The following FTSJ3 variants were observed in gnomAD, a reference collection of about 807,000 sequenced individuals.
The protein encoded by FTSJ3 is FtsJ RNA 2'-O-methyltransferase 3.
FTSJ3 carries 46 observed loss-of-function variants against 111.5 expected under a neutral mutation model. That is an observed-to-expected ratio of 0.41 (90% CI 0.33 to 0.53). The LOEUF is 0.53. Among genes scored for constraint, FTSJ3 ranks in the 20% least tolerant of loss-of-function variants. The pLI is 0.19. For missense variants in FTSJ3, 1,075 were observed against 1,063.8 expected (o/e 1.01, Z -0.15); for synonymous variants, 408 against 383.0 (o/e 1.07, Z -0.76).
Position 63,825,159 on chromosome 17 carries a change from G to A in FTSJ3, c.600C>T (p.Phe200=), listed in dbSNP as rs750428229. The change falls in exon 8 of 21, where the codon TTC becomes TTT. Residue 200 remains phenylalanine, a synonymous_variant. Coordinates refer to ENST00000427159, the MANE Select transcript of FTSJ3 (RefSeq NM_017647.4). ...TACTGTCAACCTTGTCAGGGGCCAGGAATCCTAAAAATGACAGGATATATT... is the reference window on the plus strand; with the variant it reads ...TACTGTCAACCTTGTCAGGGGCCAGAAATCCTAAAAATGACAGGATATATT... The part of the protein sequence containing the change: ...SAEIFVVCQG[F]LAPDKVDSKF... 4 of 1,614,104 alleles carry A rather than the reference G, an allele frequency of 2.5e-6. No individual in the cohort carries two copies. Among genetic ancestry groups the A allele is most frequent in the Non-Finnish European group, 3.4e-6 (4 of 1,179,968 alleles).
In FTSJ3 at chr17:63,827,384, A is replaced by G. The variant is rs141975038; in HGVS notation, c.-359T>C. Reference sequence around the variant, plus strand: ...TGTGGTCTCGCCGCACACCCCGCCCATTGACCCGGAATTCTTCTCTGCCTG... The same window carrying G: ...TGTGGTCTCGCCGCACACCCCGCCCGTTGACCCGGAATTCTTCTCTGCCTG... On this transcript the variant is annotated 5_prime_UTR_variant, in exon 1 of 21. The change abolishes an upstream ATG in the 5' untranslated region. Coordinates refer to ENST00000427159, the MANE Select transcript of FTSJ3 (RefSeq NM_017647.4). The G allele has an allele frequency of 6.0e-3, 8,958 of 1,502,308 alleles. 27 individuals are homozygous for G. The highest frequency in any genetic ancestry group is 7.1e-3 in the Non-Finnish European group (7,826 of 1,103,884). The allele number at this position is 1,502,308 out of a possible 1,614,324, so 93.1% of individuals were successfully genotyped here.
Position 63,827,429 on chromosome 17 carries a change from C to A in FTSJ3, c.-404G>T. ...TGCCTGGTCTTCAGGTCCCAATCCT[C>A]CGCTTCCGCGCTTGCGCGCCAAGAC... On this transcript the variant is annotated 5_prime_UTR_variant, in exon 1 of 21. Coordinates refer to ENST00000427159, the MANE Select transcript of FTSJ3 (RefSeq NM_017647.4). 1 of 1,551,594 alleles carries A rather than the reference C, an allele frequency of 6.4e-7. No homozygotes were observed.
rs747791647 is a variant in FTSJ3 at position 63,819,904 on chromosome 17, T to C, written c.2442A>G (p.Pro814=). ...KKGVGRKVRR[P]AGVRGHFKVV... is the part of the protein sequence containing the mutation. ...CCTTGAAATGACCTCTGACTCCAGC[T>C]GGCCGGCGCACTTTGCGGCCCACAC... Residue 814 remains proline, a synonymous_variant, in exon 21 of 21, where the codon CCA becomes CCG. Transcript: ENST00000427159. The C allele has an allele frequency of 7.4e-6, 12 of 1,614,090 alleles. No individual in the cohort carries two copies. The Admixed American group carries it at 8.3e-5, about 11-fold the overall frequency.
At chr17:63,825,011 C>G in intron 8 of FTSJ3, 37 bp downstream of exon 8, 1 of 1,600,906 alleles carries the variant, frequency 6.2e-7, no homozygotes, top group Non-Finnish European at 8.6e-7. Flanking sequence ...CCCTAGAGTT[C>G]CAGGACCCAA....
intron 5 of FTSJ3, 103 bp from the exon 6 acceptor site, chr17:63,825,738 TG>T: frequency 2.1e-6 from 2 of 954,160 alleles, no homozygotes; most frequent in Non-Finnish European, 3.3e-6. Flanking sequence ...ATGGGCCAAA[TG>T]CAGTACCAGG....
intron 14 of FTSJ3, 44 bp downstream of exon 14, chr17:63,821,940 C>T (rs1567752075): frequency 1.2e-6 from 2 of 1,612,188 alleles, no homozygotes; most frequent in Non-Finnish European, 1.7e-6. Context: ...CCTAACACTT[C>T]CTCAGAGTGG....
intron 18 of FTSJ3, 53 bp from the exon 19 acceptor site, chr17:63,820,491 A>C: frequency 1.3e-6 from 2 of 1,580,340 alleles, no homozygotes; most frequent in Admixed American, 3.4e-5. Flanking sequence ...TTTCTAAAGA[A>C]ATTACCAGAC....
In FTSJ3 at chr17:63,827,343, A is replaced by G. The variant is rs987835023; in HGVS notation, c.-318T>C. On this transcript the variant is annotated 5_prime_UTR_variant, in exon 1 of 21. The change abolishes an upstream ATG in the 5' untranslated region. Coordinates refer to ENST00000427159, the MANE Select transcript of FTSJ3 (RefSeq NM_017647.4). ...CTGAACTCGAGTAGCCGCCCCTCCC[A>G]TCATGGTTCCCTTAGTGTGGTCTCG... 9.2e-7 allele frequency: 1 copy of G among 1,081,324 alleles called. No individual in the cohort carries two copies. The highest frequency in any genetic ancestry group is 1.6e-5 in the African/African-American group (1 of 63,490). 67.0% of individuals were successfully genotyped at this position (1,081,324 alleles called of 1,614,324 possible).
chr17:63,824,119 T>C lies in FTSJ3; in HGVS notation c.1119A>G (p.Ala373=). The C allele has an allele frequency of 6.2e-7, 1 of 1,614,202 alleles. No individual in the cohort carries two copies. Among genetic ancestry groups the C allele is most frequent in the Non-Finnish European group, 8.5e-7 (1 of 1,180,040 alleles). ...EEEEQLNQTL[A]EMKAQEVAEL... ...CCGCCACCTCCTGGGCCTTCATTTC[T>C]GCCAAGGTCTGGTTCAGTTGTTCCT... The change falls in exon 12 of 21, where the codon GCA becomes GCG. Residue 373 remains alanine, a synonymous_variant. Transcript: ENST00000427159.
rs912294356 is a variant in FTSJ3 at position 63,819,780 on chromosome 17, C to T, written c.*22G>A. On this transcript the variant is annotated 3_prime_UTR_variant, in exon 21 of 21. Coordinates refer to ENST00000427159, the MANE Select transcript of FTSJ3 (RefSeq NM_017647.4). ...CCCTTCCTCCTAGTCCCCATGCTCT[C>T]CTGGGAGCCTGGCAGCTCTGCTTAC... 1.2e-5 allele frequency: 19 copies of T among 1,599,410 alleles called. No homozygotes were observed. The highest frequency in any genetic ancestry group is 1.6e-5 in the Non-Finnish European group (19 of 1,171,952).
Position 63,827,489 on chromosome 17 carries a change from A to G in FTSJ3, c.-464T>C. On this transcript the variant is annotated 5_prime_UTR_variant, in exon 1 of 21. Transcript: ENST00000427159. ...GCCGGCGGTCTCTGCTGAAGAGAGA[A>G]GATGGCGCTTGACGGACCAGAGCAG... 1 of 1,551,720 alleles carries G rather than the reference A, an allele frequency of 6.4e-7. No individual in the cohort carries two copies. Among genetic ancestry groups the G allele is most frequent in the Non-Finnish European group, 8.7e-7 (1 of 1,146,996 alleles).
chr17:63,819,899 C>T lies in FTSJ3; in HGVS notation c.2447G>A (p.Gly816Glu), dbSNP rs750381400. 3.7e-6 allele frequency: 6 copies of T among 1,614,056 alleles called. No homozygotes were observed. The South Asian group carries it at 6.6e-5, about 18-fold the overall frequency. The part of the protein sequence containing the change: ...GVGRKVRRPA[G>E]VRGHFKVVDS... ...CACCACCTTGAAATGACCTCTGACT[C>T]CAGCTGGCCGGCGCACTTTGCGGCC... Residue 816 changes from glycine to glutamate, a missense_variant, in exon 21 of 21, where the codon GGA (glycine) becomes GAA (glutamate). Physicochemically the swap from Gly to Glu is moderately conservative, Grantham distance 98. Around this residue, in one of 2 missense-constraint regions of FTSJ3, gnomAD observed 867 missense variants for 796.9 expected, o/e 1.09. Transcript: ENST00000427159.
At position 63,825,329 on chromosome 17, in the gene FTSJ3, T is replaced by C; in HGVS notation, c.508A>G (p.Ile170Val). Reference protein sequence around the residue: ...RSRDYQPLLWIFQQLFRRVQA... With the variant: ...RSRDYQPLLWVFQQLFRRVQA... ...ACACGGCGGAACAGCTGCTGAAAGA[T>C]CCATAGCAGAGGCTGATAGTCACGA... Residue 170 changes from isoleucine to valine, a missense_variant, in exon 7 of 21, where the codon ATC (isoleucine) becomes GTC (valine). Physicochemically the swap from Ile to Val is conservative, Grantham distance 29. Transcript: ENST00000427159. 1 of 1,614,136 alleles carries C rather than the reference T, an allele frequency of 6.2e-7. No individual in the cohort carries two copies. The highest frequency in any genetic ancestry group is 8.5e-7 in the Non-Finnish European group (1 of 1,180,024).
Position 63,819,710 on chromosome 17 carries a change from G to C in FTSJ3, c.*92C>G, listed in dbSNP as rs532745165. ...TCTTCAGACAGCTGTGATGTGAGCA[G>C]GGGCTAGGCCGGTAATCAAGGGGGC... is the stretch of plus-strand genomic sequence containing the variant. On this transcript the variant is annotated 3_prime_UTR_variant, in exon 21 of 21. Coordinates refer to ENST00000427159, the MANE Select transcript of FTSJ3 (RefSeq NM_017647.4). 1 of 1,202,582 alleles carries C rather than the reference G, an allele frequency of 8.3e-7. No individual in the cohort carries two copies. Among genetic ancestry groups the C allele is most frequent in the East Asian group, 2.3e-5 (1 of 42,752 alleles). The allele number at this position is 1,202,582 out of a possible 1,614,324, so 74.5% of individuals were successfully genotyped here.
chr17:63,820,989 C>T, intron 17 of FTSJ3, 41 bp downstream of exon 17: 1 of 1,606,250 alleles, frequency 6.2e-7, no homozygotes, highest in Non-Finnish European at 8.5e-7. Context: ...ACTGAGACTT[C>T]CAGTGGTCTT....
At position 63,827,400 on chromosome 17, in the gene FTSJ3, T is replaced by G; in HGVS notation, c.-375A>C. ...ACCCCGCCCATTGACCCGGAATTCT[T>G]CTCTGCCTGGTCTTCAGGTCCCAAT... On this transcript the variant is annotated 5_prime_UTR_variant, in exon 1 of 21. Transcript: ENST00000427159. 1 of 1,539,060 alleles carries G rather than the reference T, an allele frequency of 6.5e-7. No homozygotes were observed. Among genetic ancestry groups the G allele is most frequent in the Non-Finnish European group, 8.8e-7 (1 of 1,135,940 alleles).
chr17:63,824,602 G>A (rs1567753535), intron 10 of FTSJ3, 35 bp downstream of exon 10: 2 of 1,554,404 alleles, frequency 1.3e-6, no homozygotes, highest in East Asian at 2.2e-5. Flanking sequence ...CCTGCCTCCA[G>A]GGCTCCTGGC....
chr17:63,823,289 C>CTA (rs1181333842), intron 13 of FTSJ3, among the ~76,000 whole-genome samples: 1 of 152,164 alleles, frequency 6.6e-6, no homozygotes, highest in African/African-American at 2.4e-5. Flanking sequence ...TTCTGATGTT[C>CTA]TAGTTCTTCA....
rs747572988 is a variant in FTSJ3, at chr17:63,822,096, TATC to T, written c.1360_1362del (p.Asp454del). 2 of 1,614,128 alleles carry T rather than the reference TATC, an allele frequency of 1.2e-6. No individual in the cohort carries two copies. Among genetic ancestry groups the T allele is most frequent in the Middle Eastern group, 1.6e-4 (1 of 6,084 alleles). ...TCGTCCTCAACATCTGACACATAGA[TATC>T]ATCCCTTGGCAGATCGGACAGAAAT... On this transcript the variant is annotated inframe_deletion, in exon 14 of 21. Transcript: ENST00000427159.
Sources: gnomAD v4.1 joint callset for allele counts (sites outside exome capture counted in the v4.1 genomes callset) on GRCh38, gnomAD v4.1.1 for gene constraint, gnomAD v4.1.1 regional missense constraint, MANE v1.5 for transcripts, NCBI Gene and HGNC (gene_info 2026-07-23, HGNC 2026-07-21) for gene names.